Variants in STK33 observed in about 807,000 individuals in gnomAD.
STK33 encodes serine/threonine kinase 33, also known as serine/threonine-protein kinase 33.
Under a neutral mutation model 58.0 loss-of-function variants are expected in STK33, and 52 were observed. That is an observed-to-expected ratio of 0.90 (90% CI 0.72 to 1.13). The LOEUF is 1.13. Ranked by LOEUF, STK33 falls within the 50% of genes most tolerant of loss-of-function variation. The pLI is 0.00. For missense variants in STK33, 630 were observed against 604.2 expected (o/e 1.04, Z -0.45); for synonymous variants, 215 against 200.1 (o/e 1.07, Z -0.63).
At chr11:8,351,564 T>C in the STK33 span, among the ~76,000 whole-genome samples, 4 of 152,226 alleles carry the variant, frequency 2.6e-5, no homozygotes, top group Non-Finnish European at 5.9e-5. Flanking sequence ...TTTCCCTGCC[T>C]GTCACTTCAC....
the STK33 span, among the ~76,000 whole-genome samples, chr11:8,378,650 G>A: frequency 1.3e-5 from 2 of 152,176 alleles, no homozygotes; most frequent in Non-Finnish European, 2.9e-5. Context: ...CTCACAACAT[G>A]TGGGGATTAT....
chr11:8,543,940 G>A (rs1193392186), intron 1 of STK33, among the ~76,000 whole-genome samples: 1 of 152,028 alleles, frequency 6.6e-6, no homozygotes, highest in Non-Finnish European at 1.5e-5. Context: ...ACTAGAAAAG[G>A]TTAAAATGCC....
intron 1 of STK33, among the ~76,000 whole-genome samples, chr11:8,538,901 A>G (rs1267692427): frequency 6.6e-6 from 1 of 152,232 alleles, no homozygotes; most frequent in Non-Finnish European, 1.5e-5. Context: ...CTTGTCTCAG[A>G]TGATAATTAC....
intron 15 of STK33, among the ~76,000 whole-genome samples, chr11:8,406,214 T>C (rs1421007209): frequency 1.3e-5 from 2 of 152,048 alleles, no homozygotes; most frequent in African/African-American, 4.8e-5. Context: ...ACTCCCAATT[T>C]TGTTCTACTA....
intron 11 of STK33, among the ~76,000 whole-genome samples, chr11:8,443,096 T>C (rs943686850): frequency 2.0e-5 from 3 of 152,168 alleles, no homozygotes; most frequent in African/African-American, 7.2e-5. Flanking sequence ...AAGTAAACTA[T>C]ATTCCTAAAA....
At chr11:8,580,064 T>C (rs1475037471) in intron 1 of STK33, among the ~76,000 whole-genome samples, 1 of 152,130 alleles carries the variant, frequency 6.6e-6, no homozygotes, top group African/African-American at 2.4e-5. Flanking sequence ...TGGAGGTTCC[T>C]CAGAAAACTG....
At chr11:8,396,074 A>G (rs114781961) in intron 15 of STK33, among the ~76,000 whole-genome samples, 2,184 of 152,316 alleles carry the variant, frequency 0.014, 41 homozygotes, top group African/African-American at 0.043. Context: ...GGTAACATCA[A>G]TTCAAATCTA....
intron 1 of STK33, among the ~76,000 whole-genome samples, chr11:8,592,108 T>C (rs2141625149): frequency 1.3e-5 from 2 of 152,212 alleles, no homozygotes; most frequent in South Asian, 4.1e-4. Context: ...AAACAAGCAA[T>C]CAGCCCAGTC....
intron 14 of STK33, among the ~76,000 whole-genome samples, chr11:8,427,582 A>G (rs1024931444): frequency 2.6e-5 from 4 of 151,970 alleles, no homozygotes; most frequent in Non-Finnish European, 4.4e-5. Flanking sequence ...CTCCTATTAG[A>G]TGGATTTTGG....
the STK33 span, among the ~76,000 whole-genome samples, chr11:8,378,843 C>T: frequency 3.9e-5 from 6 of 152,124 alleles, no homozygotes; most frequent in East Asian, 9.7e-4. Flanking sequence ...CAAAGCAATC[C>T]TAAGCAAAAA....
At chr11:8,383,165 A>G in the STK33 span, among the ~76,000 whole-genome samples, 5 of 152,194 alleles carry the variant, frequency 3.3e-5, no homozygotes, top group Non-Finnish European at 4.4e-5. Context: ...AAAGACCCAG[A>G]TGAACTAGAA....
intron 15 of STK33, among the ~76,000 whole-genome samples, chr11:8,411,695 A>C (rs1301036797): frequency 6.6e-6 from 1 of 152,150 alleles, no homozygotes; most frequent in Non-Finnish European, 1.5e-5. Context: ...AATACTTCCA[A>C]TGATGGGGAG....
the STK33 span, among the ~76,000 whole-genome samples, chr11:8,340,692 C>T: frequency 6.6e-6 from 1 of 152,208 alleles, no homozygotes; most frequent in African/African-American, 2.4e-5. Flanking sequence ...GCCTGATCCC[C>T]ATCTGAGTGA....
At chr11:8,573,850 A>G (rs10840075) in intron 1 of STK33, among the ~76,000 whole-genome samples, 8,732 of 152,336 alleles carry the variant, frequency 0.057, 462 homozygotes, top group African/African-American at 0.15. Context: ...TTCCATTTAT[A>G]TAACATTCTT....
At chr11:8,538,109 C>T (rs778343958) in intron 1 of STK33, among the ~76,000 whole-genome samples, 11 of 151,816 alleles carry the variant, frequency 7.2e-5, no homozygotes, top group Non-Finnish European at 1.3e-4. Context: ...ATGGTTTCAG[C>T]CGTGGGAGGC....
At chr11:8,337,420 G>T in the STK33 span, among the ~76,000 whole-genome samples, 1 of 152,300 alleles carries the variant, frequency 6.6e-6, no homozygotes, top group Non-Finnish European at 1.5e-5. Context: ...GGCTGAGGAA[G>T]GATGCTGGTG....
At position 8,529,442 on chromosome 11, in the gene STK33, A is replaced by C. The variant is rs550400055; in HGVS notation, c.-465-48828T>G. 5.3e-5 allele frequency among the ~76,000 whole-genome samples: 8 copies of C among 152,308 alleles called. No individual in the cohort carries two copies. In the South Asian group the frequency reaches 1.7e-3, roughly 32 times the overall value. ...GCCATAGGACAAGATTCAGAATTCAAGGTTCCTAGGAAAAGCCTGGTCTTG... is the reference window on the plus strand; with the variant it reads ...GCCATAGGACAAGATTCAGAATTCACGGTTCCTAGGAAAAGCCTGGTCTTG... On this transcript the variant is annotated intron_variant, in intron 1 of 15. Coordinates refer to ENST00000687296, the MANE Select transcript of STK33 (RefSeq NM_001352389.2).
the STK33 span, among the ~76,000 whole-genome samples, chr11:8,347,627 GCA>G: frequency 0.34 from 51,471 of 151,934 alleles, 8,768 homozygotes; most frequent in South Asian, 0.45. Flanking sequence ...CCTGGAAATG[GCA>G]CAAGCCATTT....
At chr11:8,568,329 C>T (rs569290481) in intron 1 of STK33, among the ~76,000 whole-genome samples, 3 of 152,104 alleles carry the variant, frequency 2.0e-5, no homozygotes, top group South Asian at 4.1e-4. Flanking sequence ...TTATTCATAA[C>T]ATTTACATGT....
Sources: allele counts gnomAD v4.1 joint callset (sites outside exome capture counted in the v4.1 genomes callset), GRCh38; gene constraint gnomAD v4.1.1; transcripts MANE v1.5; gene names NCBI Gene and HGNC (gene_info 2026-07-23, HGNC 2026-07-21).